Variants in PLOD2 observed in about 807,000 individuals in gnomAD.
PLOD2 encodes the protein procollagen-lysine,2-oxoglutarate 5-dioxygenase 2, also known as lysine hydroxylase 2.
In PLOD2, 65 loss-of-function variants were observed where a neutral mutation model predicts 101.0. The ratio of observed to expected loss-of-function variants is 0.64; its 90% CI spans 0.53 to 0.79. The LOEUF is 0.79. PLOD2 is among the 30% of genes least tolerant of loss of function. PLOD2 has a pLI of 0.00. For missense variants in PLOD2, 909 were observed against 914.6 expected (o/e 0.99, Z 0.08); for synonymous variants, 314 against 302.9 (o/e 1.04, Z -0.38).
Position 146,142,561 on chromosome 3 carries a change from C to T in PLOD2, c.109+18320G>A, listed in dbSNP as rs796169535. ...TCATGTAAAGGTTGGTCAATAAAAA[C>T]ACTACAAACCTGAAACCTTTCATAT... On this transcript the variant is annotated intron_variant, in intron 1 of 19. Coordinates refer to ENST00000282903, the MANE Select transcript of PLOD2 (RefSeq NM_182943.3). 2.6e-4 allele frequency among the ~76,000 whole-genome samples: 39 copies of T among 152,108 alleles called. 1 individual carries two copies. The highest frequency in any genetic ancestry group is 9.2e-4 in the African/African-American group (38 of 41,520).
intron 7 of PLOD2, among the ~76,000 whole-genome samples, chr3:146,095,865 TCCC>T (rs1559845437): frequency 1.2e-5 from 1 of 81,194 alleles, no homozygotes; most frequent in East Asian, 3.3e-4. Context: ...CTCTCCCCTC[TCCC>T]CTCTCCCCTC....
At chr3:146,107,281 T>C (rs967944081) in intron 4 of PLOD2, among the ~76,000 whole-genome samples, 2 of 152,218 alleles carry the variant, frequency 1.3e-5, no homozygotes, top group Non-Finnish European at 2.9e-5. Context: ...TAAAATTGGA[T>C]TGTTCTCCTT....
chr3:146,073,566 A>T (rs552165949), intron 15 of PLOD2: 1 of 265,012 alleles, frequency 3.8e-6, no homozygotes, highest in African/African-American at 2.2e-5. Context: ...TTATTTATGA[A>T]ATATTGTACC....
At chr3:146,149,655 AT>A (rs1426027277) in intron 1 of PLOD2, among the ~76,000 whole-genome samples, 2 of 152,192 alleles carry the variant, frequency 1.3e-5, no homozygotes, top group African/African-American at 4.8e-5. Context: ...TATCATTTTA[AT>A]AAACCAAATT....
chr3:146,090,861 G>A (rs564264566), intron 8 of PLOD2, among the ~76,000 whole-genome samples: 2 of 151,772 alleles, frequency 1.3e-5, no homozygotes, highest in Non-Finnish European at 3.0e-5. Context: ...TTGCTTCTAC[G>A]TTTCTGGCTG....
chr3:146,079,108 T>C lies in PLOD2; in HGVS notation c.1500+8A>G. 1.2e-6 allele frequency: 2 copies of C among 1,612,214 alleles called. No individual in the cohort carries two copies. The highest frequency in any genetic ancestry group is 1.3e-5 in the African/African-American group (1 of 74,970). Reference sequence around the variant, plus strand: ...AACATTCAAGCAAGCCATCACTGCATATCTTACCATTTCTCTAGCATTTCG... The same window carrying C: ...AACATTCAAGCAAGCCATCACTGCACATCTTACCATTTCTCTAGCATTTCG... On this transcript the variant is annotated splice_region_variant and intron_variant, in intron 13 of 19. Transcript: ENST00000282903.
Position 146,146,606 on chromosome 3 carries a change from A to T in PLOD2, c.109+14275T>A, listed in dbSNP as rs1187111711. Among the ~76,000 whole-genome samples the T allele has an allele frequency of 3.4e-4, 51 of 152,128 alleles. 2 individuals carry two copies. On this transcript the variant is annotated intron_variant, in intron 1 of 19. Coordinates refer to ENST00000282903, the MANE Select transcript of PLOD2 (RefSeq NM_182943.3). ...TGTGGCTGAATTCTGCATTGTTGGT[A>T]TAGTCACTGCCTCATGGGCATAAGG...
intron 11 of PLOD2, 78 bp from the exon 12 acceptor site, chr3:146,081,941 T>C: frequency 2.2e-6 from 3 of 1,365,884 alleles, no homozygotes; most frequent in Non-Finnish European, 3.0e-6. Flanking sequence ...GAATTATGTA[T>C]TTTGGGCTTA....
chr3:146,130,820 T>G (rs973240114), intron 1 of PLOD2, among the ~76,000 whole-genome samples: 1 of 152,118 alleles, frequency 6.6e-6, no homozygotes, highest in African/African-American at 2.4e-5. Flanking sequence ...TTTATTATGT[T>G]CAGAAAAGAG....
chr3:146,107,710 C>T (rs1937561665), intron 4 of PLOD2, among the ~76,000 whole-genome samples: 2 of 138,678 alleles, frequency 1.4e-5, no homozygotes, highest in Non-Finnish European at 3.0e-5. Context: ...AATCTTGGCT[C>T]ACTGCAACCT....
chr3:146,074,710 T>TA (rs3840208), intron 15 of PLOD2, among the ~76,000 whole-genome samples: 33 of 148,806 alleles, frequency 2.2e-4, no homozygotes, highest in South Asian at 2.1e-4. Context: ...CAAGTTAAAG[T>TA]AAAAAAAAAA....
chr3:146,141,143 C>T (rs2031502134), intron 1 of PLOD2, among the ~76,000 whole-genome samples: 1 of 151,926 alleles, frequency 6.6e-6, no homozygotes, highest in Non-Finnish European at 1.5e-5. Flanking sequence ...GGCTTTCCTA[C>T]CTTTAATTAT....
chr3:146,081,402 T>C (rs1050281837), intron 12 of PLOD2, among the ~76,000 whole-genome samples: 7 of 152,132 alleles, frequency 4.6e-5, no homozygotes, highest in Admixed American at 6.6e-5. Flanking sequence ...ATTATAACCA[T>C]TAAAAAGTTA....
At chr3:146,154,822 C>G (rs2032225341) in intron 1 of PLOD2, among the ~76,000 whole-genome samples, 1 of 152,108 alleles carries the variant, frequency 6.6e-6, no homozygotes, top group Non-Finnish European at 1.5e-5. Flanking sequence ...ATGAGTCAAT[C>G]AGTAACTAAG....
intron 11 of PLOD2, among the ~76,000 whole-genome samples, chr3:146,082,217 C>T (rs553956727): frequency 3.9e-4 from 59 of 152,206 alleles, no homozygotes; most frequent in East Asian, 5.8e-4. Context: ...TAAAGTATTT[C>T]GGAACCTATA....
At chr3:146,108,574 C>A (rs1937575634) in intron 4 of PLOD2, among the ~76,000 whole-genome samples, 1 of 152,154 alleles carries the variant, frequency 6.6e-6, no homozygotes, top group Non-Finnish European at 1.5e-5. Flanking sequence ...ATTATTCAAA[C>A]TTTTATTAAA....
chr3:146,124,630 A>G (rs1306859347), intron 1 of PLOD2, among the ~76,000 whole-genome samples: 2 of 149,774 alleles, frequency 1.3e-5, no homozygotes, highest in Non-Finnish European at 3.0e-5. Context: ...TGAGGAGATC[A>G]GCAAATTACA....
At position 146,088,648 on chromosome 3, in the gene PLOD2, G is replaced by A. The variant is rs753918575; in HGVS notation, c.943C>T (p.Leu315=). ...TAATCCAGTGTCAACAATATGTCCAGAAACCGAGGTAGAAAAGGGGTTGGT... is the reference window on the plus strand; with the variant it reads ...TAATCCAGTGTCAACAATATGTCCAAAAACCGAGGTAGAAAAGGGGTTGGT... ...EQPTPFLPRF[L]DILLTLDYPK... Residue 315 remains leucine, a synonymous_variant, in exon 9 of 20, where the codon CTG becomes TTG. Coordinates refer to ENST00000282903, the MANE Select transcript of PLOD2 (RefSeq NM_182943.3). 7 of 1,605,278 alleles carry A rather than the reference G, an allele frequency of 4.4e-6. No individual in the cohort carries two copies. In the South Asian group the frequency reaches 6.6e-5, roughly 15 times the overall value.
chr3:146,077,799 T>G lies in PLOD2; in HGVS notation c.1563+63A>C, dbSNP rs34589717. On this transcript the variant is annotated intron_variant, in intron 14 of 19. Coordinates refer to ENST00000282903, the MANE Select transcript of PLOD2 (RefSeq NM_182943.3). ...AAGGCCCTTAAAGAAACTTTACTAC[T>G]AGGCAATATACTATATCAAATATTA... is the stretch of plus-strand genomic sequence containing the variant. 0.034 allele frequency: 30,812 copies of G among 913,354 alleles called. 672 individuals carry two copies. Among genetic ancestry groups the G allele is most frequent in the South Asian group, 0.041 (2,620 of 64,462 alleles). The allele number at this position is 913,354 out of a possible 1,614,324, so 56.6% of individuals were successfully genotyped here.
Sources: allele counts gnomAD v4.1 joint callset (sites outside exome capture counted in the v4.1 genomes callset), GRCh38; gene constraint gnomAD v4.1.1; transcripts MANE v1.5; gene names NCBI Gene and HGNC (gene_info 2026-07-23, HGNC 2026-07-21).